Variants in CCDC102B observed in about 807,000 individuals in gnomAD.
The protein encoded by CCDC102B is coiled-coil domain-containing protein 102B.
In CCDC102B, 75 loss-of-function variants were observed where a neutral mutation model predicts 57.4. That is an observed-to-expected ratio of 1.31 (90% CI 1.08 to 1.58). The LOEUF is 1.58. CCDC102B is among the 40% of genes most tolerant of loss of function. The pLI is 0.00. For synonymous variants in CCDC102B, 206 were observed against 201.9 expected, an observed-to-expected ratio of 1.02 and a Z score of -0.17; for missense variants, 636 against 582.6, an observed-to-expected ratio of 1.09 and a Z score of -0.94.
chr18:68,775,888 G>A (rs373568266), intron 2 of CCDC102B, among the ~76,000 whole-genome samples: 5 of 152,010 alleles, frequency 3.3e-5, no homozygotes, highest in South Asian at 4.1e-4. Flanking sequence ...TCCTGACCTC[G>A]TGATCTGCCT....
At chr18:68,872,065 G>GA (rs113197004) in intron 4 of CCDC102B, among the ~76,000 whole-genome samples, 51,300 of 151,972 alleles carry the variant, frequency 0.34, 9,472 homozygotes, top group African/African-American at 0.48. Context: ...GCATGTGAGA[G>GA]AATAAAGAAC....
At chr18:68,863,879 A>G (rs2038864290) in intron 4 of CCDC102B, among the ~76,000 whole-genome samples, 1 of 151,990 alleles carries the variant, frequency 6.6e-6, no homozygotes, top group Non-Finnish European at 1.5e-5. Flanking sequence ...CGTATTAGTA[A>G]TAATACATCA....
At chr18:68,797,747 A>G (rs1599475778), upstream of CCDC102B, among the ~76,000 whole-genome samples, 1 of 139,024 alleles carries the variant, frequency 7.2e-6, no homozygotes, top group African/African-American at 2.6e-5. Context: ...TCAGATAGGT[A>G]CTTCCTGGGC....
At chr18:68,778,096 A>G (rs945150871) in intron 2 of CCDC102B, among the ~76,000 whole-genome samples, 1 of 152,168 alleles carries the variant, frequency 6.6e-6, no homozygotes, top group African/African-American at 2.4e-5. Flanking sequence ...ATCTAACAGC[A>G]GAACAACTTT....
At chr18:68,995,245 A>G (rs962282113) in intron 6 of CCDC102B, among the ~76,000 whole-genome samples, 1 of 152,212 alleles carries the variant, frequency 6.6e-6, no homozygotes, top group Non-Finnish European at 1.5e-5. Context: ...GCAGCCTGAC[A>G]ATGCTATAGA....
At chr18:68,721,121 ACT>A (rs1049617913) in intron 2 of CCDC102B, 1 of 152,100 alleles carries the variant, frequency 6.6e-6, no homozygotes, top group Non-Finnish European at 1.5e-5. Flanking sequence ...CCAAGTTCCT[ACT>A]CTCTCAGAAC....
chr18:68,792,528 T>C (rs1488163343), intron 2 of CCDC102B, among the ~76,000 whole-genome samples: 2 of 152,252 alleles, frequency 1.3e-5, no homozygotes, highest in Admixed American at 6.5e-5. Flanking sequence ...ATAACTACTC[T>C]TAAAAACAAC....
intron 6 of CCDC102B, among the ~76,000 whole-genome samples, chr18:68,948,019 T>C (rs1195878008): frequency 6.6e-6 from 1 of 152,148 alleles, no homozygotes; most frequent in African/African-American, 2.4e-5. Flanking sequence ...CATTTTTATA[T>C]TGTGCATCAT....
intron 6 of CCDC102B, among the ~76,000 whole-genome samples, chr18:68,988,788 A>C (rs1410136459): frequency 6.6e-6 from 1 of 152,160 alleles, no homozygotes; most frequent in African/African-American, 2.4e-5. Context: ...TGGACTATAG[A>C]GATAGTTTGG....
At chr18:68,973,516 G>A (rs866964294) in intron 6 of CCDC102B, among the ~76,000 whole-genome samples, 2 of 152,118 alleles carry the variant, frequency 1.3e-5, no homozygotes, top group African/African-American at 2.4e-5. Flanking sequence ...AGCAACCATC[G>A]ACATGGTACA....
intron 1 of CCDC102B, among the ~76,000 whole-genome samples, chr18:68,806,619 A>G (rs1211170483): frequency 2.0e-5 from 3 of 152,224 alleles, no homozygotes; most frequent in Non-Finnish European, 2.9e-5. Flanking sequence ...TCTCTGTGGA[A>G]AAAGAGAAGC....
At chr18:69,014,936 C>A (rs1211509152) in intron 7 of CCDC102B, among the ~76,000 whole-genome samples, 2 of 144,128 alleles carry the variant, frequency 1.4e-5, no homozygotes, top group South Asian at 2.2e-4. Flanking sequence ...AAGTGAGTGG[C>A]CTGCACTATA....
At chr18:68,721,299 C>A (rs1393070087) in intron 2 of CCDC102B, 7 of 152,204 alleles carry the variant, frequency 4.6e-5, no homozygotes, top group Admixed American at 4.6e-4. Context: ...TTCTGATGAT[C>A]TAGAAACAGA....
intron 6 of CCDC102B, among the ~76,000 whole-genome samples, chr18:68,926,936 G>T (rs960621969): frequency 3.9e-5 from 6 of 151,936 alleles, no homozygotes; most frequent in African/African-American, 1.4e-4. Flanking sequence ...CGTTAATTAG[G>T]ATAGATAAAA....
Position 68,837,160 on chromosome 18 carries a change from G to C in CCDC102B, c.397G>C (p.Glu133Gln). The change falls in exon 2 of 8, where the codon GAA becomes CAA. Residue 133 changes from glutamate (E) to glutamine (Q), a missense_variant. Transcript: ENST00000360242. ...AATAAAACTAGAGATGGCGATGAAA[G>C]AATTGAGTACACTGAAAAAGAAACA... ...LRIKLEMAMK[E>Q]LSTLKKKQSL... is the part of the protein sequence containing the mutation. The C allele has an allele frequency of 1.2e-6, 2 of 1,614,120 alleles. No homozygotes were observed. Among genetic ancestry groups the C allele is most frequent in the South Asian group, 2.2e-5 (2 of 91,076 alleles).
At chr18:68,867,777 A>AT (rs1433293015) in intron 4 of CCDC102B, among the ~76,000 whole-genome samples, 32 of 69,482 alleles carry the variant, frequency 4.6e-4, no homozygotes, top group Middle Eastern at 7.0e-3. Flanking sequence ...TACTAAAAAT[A>AT]CAAAAAATTA....
intron 7 of CCDC102B, among the ~76,000 whole-genome samples, chr18:69,052,734 C>T (rs1438260697): frequency 6.6e-6 from 1 of 151,806 alleles, no homozygotes; most frequent in Non-Finnish European, 1.5e-5. Flanking sequence ...AGTTGGCCCT[C>T]CATATCCACG....
downstream of CCDC102B, among the ~76,000 whole-genome samples, chr18:69,055,897 A>G (rs576440315): frequency 2.0e-5 from 3 of 152,040 alleles, no homozygotes; most frequent in Non-Finnish European, 4.4e-5. Flanking sequence ...CTCTCACATT[A>G]TATCATGTTC....
chr18:69,011,912 C>T (rs913435515), intron 7 of CCDC102B, among the ~76,000 whole-genome samples: 1 of 152,014 alleles, frequency 6.6e-6, no homozygotes, highest in East Asian at 1.9e-4. Flanking sequence ...ATTTAATAAT[C>T]AAACTTACTC....
Sources: allele counts gnomAD v4.1 joint callset (sites outside exome capture counted in the v4.1 genomes callset), GRCh38; gene constraint gnomAD v4.1.1; transcripts MANE v1.5; gene names NCBI Gene and HGNC (gene_info 2026-07-23, HGNC 2026-07-21).